Variants in KCNIP1 observed in about 807,000 individuals in gnomAD.
The protein encoded by KCNIP1 is A-type potassium channel modulatory protein KCNIP1.
In KCNIP1, 18 loss-of-function variants were observed where a neutral mutation model predicts 33.0. That is an observed-to-expected ratio of 0.55 (90% confidence interval 0.38 to 0.81). KCNIP1 has a LOEUF of 0.81. Ranked by LOEUF, KCNIP1 falls within the 30% of genes least tolerant of loss-of-function variation. The pLI is 0.00. For missense variants in KCNIP1, 238 were observed against 271.6 expected (o/e 0.88, Z 0.87); for synonymous variants, 93 against 98.3 (o/e 0.95, Z 0.32).
intron 1 of KCNIP1, among the ~76,000 whole-genome samples, chr5:170,392,368 C>A (rs141068171): frequency 3.9e-5 from 6 of 152,144 alleles, no homozygotes; most frequent in Non-Finnish European, 8.8e-5. Flanking sequence ...CATGCCCCTG[C>A]GTTTTGGGGT....
At chr5:170,390,532 A>ATATATATATATATATATG in intron 1 of KCNIP1, among the ~76,000 whole-genome samples, 2 of 135,074 alleles carry the variant, frequency 1.5e-5, no homozygotes, top group East Asian at 4.1e-4. Context: ...ATATATATAT[A>ATATATATATATATATATG]TATATATTTT....
In KCNIP1 at chr5:170,736,225, T is replaced by A. The variant is rs1305940453; in HGVS notation, c.*419T>A. The stretch of plus-strand genomic sequence containing the variant: ...TGAGCCAGATGCACACCATCTCTGA[T>A]GGCCTCCCAAACCAATGTGCCTGTT... On this transcript the variant is annotated 3_prime_UTR_variant, in exon 8 of 8. Coordinates refer to ENST00000328939, the MANE Select transcript of KCNIP1 (RefSeq NM_014592.4). The A allele has an allele frequency of 5.6e-6, 1 of 179,762 alleles. No individual in the cohort carries two copies. The highest frequency in any genetic ancestry group is 1.2e-5 in the Non-Finnish European group (1 of 85,074). 11.1% of individuals were successfully genotyped at this position (179,762 alleles called of 1,614,324 possible).
chr5:170,664,202 C>T (rs1303965501), intron 1 of KCNIP1, among the ~76,000 whole-genome samples: 5 of 152,178 alleles, frequency 3.3e-5, no homozygotes, highest in Non-Finnish European at 5.9e-5. Context: ...CCCCCATCCA[C>T]TCTTGCACAT....
intron 1 of KCNIP1, among the ~76,000 whole-genome samples, chr5:170,710,970 G>A (rs776803224): frequency 1.3e-5 from 2 of 152,168 alleles, no homozygotes; most frequent in Admixed American, 6.5e-5. Flanking sequence ...TTCTAGACCA[G>A]CAACCAACAA....
intron 5 of KCNIP1, among the ~76,000 whole-genome samples, chr5:170,732,390 C>A (rs1198452506): frequency 2.0e-5 from 3 of 152,160 alleles, no homozygotes; most frequent in Non-Finnish European, 4.4e-5. Context: ...ATAATCTTGG[C>A]TGTTGGTTCA....
Position 170,629,302 on chromosome 5 carries a change from T to C in KCNIP1, c.62-89456T>C, listed in dbSNP as rs999848585. ...GGGCATTGTTCATGCAGGGACCTCC[T>C]GGCCAAGGTCCTACGTCAAGGTTAG... is the stretch of plus-strand genomic sequence containing the variant. On this transcript the variant is annotated intron_variant, in intron 1 of 7. Coordinates refer to ENST00000328939, the MANE Select transcript of KCNIP1 (RefSeq NM_014592.4). 2.6e-5 allele frequency among the ~76,000 whole-genome samples: 4 copies of C among 152,318 alleles called. No homozygotes were observed. In the East Asian group the frequency reaches 7.7e-4, roughly 29 times the overall value.
At chr5:170,730,472 C>T (rs1764157424) in intron 5 of KCNIP1, among the ~76,000 whole-genome samples, 1 of 152,078 alleles carries the variant, frequency 6.6e-6, no homozygotes, top group Non-Finnish European at 1.5e-5. Context: ...TGGAGATAAC[C>T]TCATCCAAGT....
chr5:170,369,724 A>G (rs1763792953), intron 1 of KCNIP1, among the ~76,000 whole-genome samples: 2 of 152,254 alleles, frequency 1.3e-5, no homozygotes, highest in Admixed American at 1.3e-4. Flanking sequence ...CTTCCTTGAG[A>G]TAAGGCATCA....
chr5:170,426,431 A>G (rs912210712), intron 1 of KCNIP1, among the ~76,000 whole-genome samples: 1 of 152,112 alleles, frequency 6.6e-6, no homozygotes, highest in South Asian at 2.1e-4. Flanking sequence ...CCTCCTACTG[A>G]GAGTTAATAC....
rs183839047 is a variant in KCNIP1 at position 170,695,140 on chromosome 5, C to A, written c.62-23618C>A. Among the ~76,000 whole-genome samples the A allele has an allele frequency of 2.8e-4, 43 of 152,252 alleles. 1 individual carries two copies. In the East Asian group the frequency reaches 7.3e-3, roughly 26 times the overall value. On this transcript the variant is annotated intron_variant, in intron 1 of 7. Transcript: ENST00000328939. ...GCCTGGATAGTCTTCCTTGTCACCT[C>A]CCGATCCCCTTCTCTAACACCCATC...
At chr5:170,469,118 G>A (rs540443826) in intron 1 of KCNIP1, among the ~76,000 whole-genome samples, 5 of 152,294 alleles carry the variant, frequency 3.3e-5, no homozygotes, top group South Asian at 2.1e-4. Flanking sequence ...AACTTGAGCC[G>A]GGTGTGGTGG....
chr5:170,565,220 T>C lies in KCNIP1; in HGVS notation c.61+60587T>C, dbSNP rs537696072. On this transcript the variant is annotated intron_variant, in intron 1 of 7. Coordinates refer to ENST00000328939, the MANE Select transcript of KCNIP1 (RefSeq NM_014592.4). ...CCTGCCAATTAGTGACGTTCAGATCTCTATTAGAGATGGGGACAGCTAGTT... is the reference window on the plus strand; with the variant it reads ...CCTGCCAATTAGTGACGTTCAGATCCCTATTAGAGATGGGGACAGCTAGTT... Among the ~76,000 whole-genome samples the C allele has an allele frequency of 2.3e-4, 35 of 152,092 alleles. No individual in the cohort carries two copies. The South Asian group carries it at 2.5e-3, about 11-fold the overall frequency.
At chr5:170,680,266 C>A (rs1005490227) in intron 1 of KCNIP1, among the ~76,000 whole-genome samples, 5 of 152,174 alleles carry the variant, frequency 3.3e-5, no homozygotes, top group African/African-American at 1.2e-4. Context: ...CCTTTCCCCA[C>A]CAGGCTCACT....
At chr5:170,362,391 C>T (rs890199301) in intron 1 of KCNIP1, among the ~76,000 whole-genome samples, 3 of 152,156 alleles carry the variant, frequency 2.0e-5, no homozygotes, top group African/African-American at 7.2e-5. Flanking sequence ...CCAGTTTGGC[C>T]AAGAGGCAAC....
chr5:170,530,687 G>A (rs1755755494), intron 1 of KCNIP1, among the ~76,000 whole-genome samples: 4 of 152,204 alleles, frequency 2.6e-5, no homozygotes, highest in Non-Finnish European at 4.4e-5. Flanking sequence ...CAAACTCAGA[G>A]TTCCAGCCAC....
At chr5:170,552,668 A>G (rs1304808115) in intron 1 of KCNIP1, among the ~76,000 whole-genome samples, 1 of 152,164 alleles carries the variant, frequency 6.6e-6, no homozygotes, top group East Asian at 1.9e-4. Flanking sequence ...GGTGGTAGGA[A>G]AGGCAAGGGC....
At chr5:170,460,897 C>T (rs1756488350) in intron 1 of KCNIP1, among the ~76,000 whole-genome samples, 1 of 152,108 alleles carries the variant, frequency 6.6e-6, no homozygotes, top group Non-Finnish European at 1.5e-5. Flanking sequence ...TATTGTTTAC[C>T]TAGAAAAACC....
chr5:170,394,589 C>A (rs1056429885), intron 1 of KCNIP1, among the ~76,000 whole-genome samples: 1 of 152,128 alleles, frequency 6.6e-6, no homozygotes, highest in Non-Finnish European at 1.5e-5. Context: ...GTACATAAAA[C>A]ACTTTTCTTT....
At chr5:170,518,326 C>T (rs1755225421) in intron 1 of KCNIP1, among the ~76,000 whole-genome samples, 1 of 152,180 alleles carries the variant, frequency 6.6e-6, no homozygotes, top group Non-Finnish European at 1.5e-5. Flanking sequence ...TTGAATTCCC[C>T]CAGGTGTATT....
Sources: gnomAD v4.1 joint callset for allele counts (sites outside exome capture counted in the v4.1 genomes callset) on GRCh38, gnomAD v4.1.1 for gene constraint, MANE v1.5 for transcripts, NCBI Gene and HGNC (gene_info 2026-07-23, HGNC 2026-07-21) for gene names.